Variants in GAN observed in about 807,000 individuals in gnomAD.
GAN encodes the protein epididymis secretory sperm binding protein.
A neutral mutation model predicts 71.3 loss-of-function variants in GAN; 48 were observed. The observed-to-expected ratio is 0.67, with a 90% confidence interval of 0.53 to 0.86. The LOEUF (loss-of-function observed/expected upper bound fraction) is 0.86. Among genes scored for constraint, GAN ranks in the 40% least tolerant of loss-of-function variants. The pLI is 0.00. For synonymous variants in GAN, 386 were observed against 276.8 expected, an observed-to-expected ratio of 1.39 and a Z score of -3.92; for missense variants, 928 against 770.1, an observed-to-expected ratio of 1.21 and a Z score of -2.43.
At chr16:81,351,836 C>T (rs1353538415) in intron 2 of GAN, 139 bp downstream of exon 2, 1 of 709,004 alleles carries the variant, frequency 1.4e-6, no homozygotes, top group Non-Finnish European at 2.6e-6. Flanking sequence ...CTGACATTTC[C>T]TACTGGTAAT....
rs1567491555 is a variant in GAN, at chr16:81,354,703, A to G, written c.581A>G (p.Tyr194Cys). The change falls in exon 3 of 11, where the codon TAT (tyrosine) becomes TGT (cysteine). Residue 194 changes from tyrosine to cysteine, a missense_variant. By Grantham distance (194) the Tyr-to-Cys change is radical. Transcript: ENST00000648994. Reference sequence around the variant, plus strand: ...AAGTTAAACGTTGGCAATGAAAGATATGTCTTTGAAGCAGTAATTCGATGG... The same window carrying G: ...AAGTTAAACGTTGGCAATGAAAGATGTGTCTTTGAAGCAGTAATTCGATGG... Reference protein sequence around the residue: ...LEKLNVGNERYVFEAVIRWIA... With the variant: ...LEKLNVGNERCVFEAVIRWIA... The G allele has an allele frequency of 1.9e-6, 3 of 1,612,820 alleles. No individual in the cohort carries two copies. Among genetic ancestry groups the G allele is most frequent in the South Asian group, 1.1e-5 (1 of 91,062 alleles).
rs150442540 is a variant in GAN at position 81,333,198 on chromosome 16, C to T, written c.167+17918C>T. Among the ~76,000 whole-genome samples the T allele has an allele frequency of 4.6e-3, 683 of 148,230 alleles. 3 individuals carry two copies. Among genetic ancestry groups the T allele is most frequent in the African/African-American group, 0.016 (645 of 39,940 alleles). ...TGGAGGTTGCAGTGAGCTGAGATCA[C>T]GCCACTCCACTCCAGCCTAGGCAAC... On this transcript the variant is annotated intron_variant, in intron 1 of 10. Coordinates refer to ENST00000648994, the MANE Select transcript of GAN (RefSeq NM_022041.4).
At chr16:81,325,889 C>T (rs892396438) in intron 1 of GAN, among the ~76,000 whole-genome samples, 1 of 152,232 alleles carries the variant, frequency 6.6e-6, no homozygotes, top group African/African-American at 2.4e-5. Flanking sequence ...CAGAGTACTT[C>T]ACCTGTCTGT....
Position 81,387,076 on chromosome 16 carries a change from G to A in GAN, c.*9480G>A, listed in dbSNP as rs1047323181. 3 of 152,256 alleles carry A rather than the reference G, an allele frequency of 2.0e-5. No homozygotes were observed. Among genetic ancestry groups the A allele is most frequent in the Non-Finnish European group, 2.9e-5 (2 of 68,050 alleles). The allele number at this position is 152,256 out of a possible 1,614,324, so 9.4% of individuals were successfully genotyped here. A position where few individuals can be genotyped will look rare whatever the true frequency, so the allele number is the denominator to read the frequency against. ...AGATCACTTAAGGTGAGCTACTCTA[G>A]CAGCATCCTGTTTGACATTTGTATC... is the stretch of plus-strand genomic sequence containing the variant. On this transcript the variant is annotated 3_prime_UTR_variant, in exon 11 of 11. Transcript: ENST00000648994.
chr16:81,353,989 A>G (rs1330561234), intron 2 of GAN, among the ~76,000 whole-genome samples: 2 of 152,190 alleles, frequency 1.3e-5, no homozygotes, highest in African/African-American at 2.4e-5. Flanking sequence ...AGTGAACTTC[A>G]TAGGTGGGGA....
At chr16:81,373,786 A>G (rs1317302297) in intron 9 of GAN, among the ~76,000 whole-genome samples, 1 of 152,198 alleles carries the variant, frequency 6.6e-6, no homozygotes, top group Non-Finnish European at 1.5e-5. Context: ...CTCTGTCAGC[A>G]GGCTGGAGTG....
In GAN at chr16:81,362,601, C is replaced by T; in HGVS notation, c.1076C>T (p.Pro359Leu). The T allele has an allele frequency of 1.3e-6, 2 of 1,515,998 alleles. No homozygotes were observed. Among genetic ancestry groups the T allele is most frequent in the Non-Finnish European group, 1.8e-6 (2 of 1,090,334 alleles). The allele number at this position is 1,515,998 out of a possible 1,614,324, so 93.9% of individuals were successfully genotyped here. The change falls in exon 6 of 11, where the codon CCT (proline) becomes CTT (leucine). Residue 359 changes from proline to leucine, a missense_variant. Pro to Leu is a moderately conservative substitution (Grantham distance 98). Transcript: ENST00000648994. ...GCAAATACATGGACAGCATTGCCAC[C>T]TATGAACGAGGTAAAACACTAGTTG... ...PDANTWTALP[P>L]MNEARHNFGI...
At chr16:81,327,704 A>G (rs1010329213) in intron 1 of GAN, among the ~76,000 whole-genome samples, 3 of 152,316 alleles carry the variant, frequency 2.0e-5, no homozygotes, top group East Asian at 1.9e-4. Flanking sequence ...TGGAGCTCCT[A>G]TAGTATTTAA....
chr16:81,369,816 C>T (rs772921040), intron 9 of GAN, among the ~76,000 whole-genome samples: 2 of 151,806 alleles, frequency 1.3e-5, no homozygotes, highest in Admixed American at 6.6e-5. Flanking sequence ...TTGATCTGCC[C>T]GCCTCGGCCT....
chr16:81,333,778 A>C lies in GAN; in HGVS notation c.168-17805A>C, dbSNP rs147418849. Among the ~76,000 whole-genome samples the C allele has an allele frequency of 2.7e-3, 416 of 152,330 alleles. 1 individual carries two copies. Among genetic ancestry groups the C allele is most frequent in the Non-Finnish European group, 4.6e-3 (314 of 68,020 alleles). On this transcript the variant is annotated intron_variant, in intron 1 of 10. Coordinates refer to ENST00000648994, the MANE Select transcript of GAN (RefSeq NM_022041.4). Reference sequence around the variant, plus strand: ...GGTGAGAGGCTAGCTACACAAAACAACACCACCTATCCACCAATCCAGTTT... The same window carrying C: ...GGTGAGAGGCTAGCTACACAAAACACCACCACCTATCCACCAATCCAGTTT...
At chr16:81,343,042 T>C (rs980477711) in intron 1 of GAN, among the ~76,000 whole-genome samples, 1 of 152,176 alleles carries the variant, frequency 6.6e-6, no homozygotes, top group African/African-American at 2.4e-5. Context: ...AATGGATAAA[T>C]TCCTGGACAC....
chr16:81,371,628 C>T (rs1413017223), intron 9 of GAN, among the ~76,000 whole-genome samples: 1 of 152,118 alleles, frequency 6.6e-6, no homozygotes, highest in African/African-American at 2.4e-5. Context: ...TTGAGGGGTG[C>T]TTCTCTACCT....
At chr16:81,340,602 A>G (rs2150677483) in intron 1 of GAN, among the ~76,000 whole-genome samples, 1 of 152,264 alleles carries the variant, frequency 6.6e-6, no homozygotes, top group South Asian at 2.1e-4. Flanking sequence ...ATCAACAAAA[A>G]GGACATCCAC....
At chr16:81,334,488 A>G (rs1909689110) in intron 1 of GAN, among the ~76,000 whole-genome samples, 5 of 152,182 alleles carry the variant, frequency 3.3e-5, no homozygotes, top group Non-Finnish European at 5.9e-5. Context: ...GGTATTGAGT[A>G]GTGAGCAGAG....
At chr16:81,372,357 C>T (rs777089305) in intron 9 of GAN, among the ~76,000 whole-genome samples, 9 of 152,184 alleles carry the variant, frequency 5.9e-5, no homozygotes, top group African/African-American at 1.2e-4. Flanking sequence ...ATCCTCACAA[C>T]AGTCATTTGA....
At chr16:81,345,569 G>C (rs976497982) in intron 1 of GAN, among the ~76,000 whole-genome samples, 8 of 152,258 alleles carry the variant, frequency 5.3e-5, no homozygotes, top group South Asian at 2.1e-4. Context: ...ACACAGGGAG[G>C]GGAACATCGC....
intron 1 of GAN, among the ~76,000 whole-genome samples, chr16:81,323,744 G>C (rs11150384): frequency 0.98 from 148,716 of 152,282 alleles, 72,691 homozygotes; most frequent in Non-Finnish European, 1. Context: ...TGGTGGCAAC[G>C]AACTGACAAG....
intron 2 of GAN, among the ~76,000 whole-genome samples, chr16:81,352,986 A>G (rs1910349125): frequency 6.6e-6 from 1 of 152,204 alleles, no homozygotes; most frequent in Non-Finnish European, 1.5e-5. Context: ...TTTGTTCCCA[A>G]TTTAAATTTA....
rs781024694 is a variant in GAN at position 81,365,110 on chromosome 16, G to A, written c.1373G>A (p.Arg458Lys). Residue 458 changes from arginine (R) to lysine (K), a missense_variant and splice_region_variant, in exon 8 of 11, where the codon AGG becomes AAG. Coordinates refer to ENST00000648994, the MANE Select transcript of GAN (RefSeq NM_022041.4). ...WTAICPLKERRFGAVACGVAM... is the reference protein window; with the variant it reads ...WTAICPLKERKFGAVACGVAM... Reference sequence around the variant, plus strand: ...GCCATATGTCCACTAAAAGAGAGGAGGTACGTGGCTGTGGGGTGGACTTTG... The same window carrying A: ...GCCATATGTCCACTAAAAGAGAGGAAGTACGTGGCTGTGGGGTGGACTTTG... 6.2e-7 allele frequency: 1 copy of A among 1,613,638 alleles called. No individual in the cohort carries two copies. Among genetic ancestry groups the A allele is most frequent in the South Asian group, 1.1e-5 (1 of 91,048 alleles).
Sources: gnomAD v4.1 joint callset for allele counts (sites outside exome capture counted in the v4.1 genomes callset) on GRCh38, gnomAD v4.1.1 for gene constraint, MANE v1.5 for transcripts, NCBI Gene and HGNC (gene_info 2026-07-23, HGNC 2026-07-21) for gene names.